The following PLXNA4 variants were observed in gnomAD, a reference collection of about 807,000 sequenced individuals.
PLXNA4 encodes the protein plexin A4.
Under a neutral mutation model 191.8 loss-of-function variants are expected in PLXNA4, and 44 were observed. The observed-to-expected ratio is 0.23, with a 90% CI of 0.18 to 0.29. PLXNA4 has a LOEUF of 0.29. PLXNA4 is among the 10% of genes least tolerant of loss of function. PLXNA4 has a pLI of 1.00. For synonymous variants in PLXNA4, 1,082 were observed against 1,009.5 expected (o/e 1.07, Z -1.36); for missense variants, 1,800 against 2,488.8 (o/e 0.72, Z 5.89).
chr7:132,481,101 G>A lies in PLXNA4; in HGVS notation c.1371+8191C>T, dbSNP rs181906403. Among the ~76,000 whole-genome samples, 15 of 152,208 alleles carry A rather than the reference G, an allele frequency of 9.9e-5. No individual in the cohort carries two copies. In the East Asian group the frequency reaches 2.3e-3, roughly 24 times the overall value. ...TGACAAGGGTGAGAGGATTAGAACTGCTTTAGGAAGCTGAATCTGCCATCT... is the reference window on the plus strand; with the variant it reads ...TGACAAGGGTGAGAGGATTAGAACTACTTTAGGAAGCTGAATCTGCCATCT... On this transcript the variant is annotated intron_variant, in intron 3 of 31. Transcript: ENST00000321063.
intron 1 of PLXNA4, among the ~76,000 whole-genome samples, chr7:132,562,727 G>C (rs1163943572): frequency 8.9e-3 from 268 of 30,062 alleles, no homozygotes; most frequent in East Asian, 0.013. Context: ...CCTTTTCCTC[G>C]TCCTCCTCCT....
Position 132,385,249 on chromosome 7 carries a change from G to A in PLXNA4, c.1372-87027C>T, listed in dbSNP as rs1052758540. 1.9e-6 allele frequency: 3 copies of A among 1,613,984 alleles called. No homozygotes were observed. In the African/African-American group the frequency reaches 4.0e-5, roughly 22 times the overall value. ...AGTCACTGTTGCTCTGTGGGATCGG[G>A]GTCCCGTCTGTAGCTCAAGGGTAGG... On this transcript the variant is annotated intron_variant, in intron 3 of 31. Coordinates refer to ENST00000321063, the MANE Select transcript of PLXNA4 (RefSeq NM_020911.2).
intron 3 of PLXNA4, among the ~76,000 whole-genome samples, chr7:132,443,605 C>A (rs186116103): frequency 6.6e-6 from 1 of 152,192 alleles, no homozygotes; most frequent in Non-Finnish European, 1.5e-5. Flanking sequence ...CGACACTGCG[C>A]GTGGTCGTGA....
chr7:132,347,661 G>A (rs1223472626), intron 3 of PLXNA4, among the ~76,000 whole-genome samples: 1 of 152,158 alleles, frequency 6.6e-6, no homozygotes, highest in East Asian at 1.9e-4. Context: ...AGGGGGACAA[G>A]CAGTTGTGTG....
intron 4 of PLXNA4, 135 bp from the exon 5 acceptor site, chr7:132,241,301 T>A: frequency 3.3e-6 from 2 of 603,734 alleles, no homozygotes; most frequent in Non-Finnish European, 2.9e-6. Flanking sequence ...TGGAGCCCAG[T>A]GTGGGAAGGG....
chr7:132,255,457 C>T (rs192135002), intron 4 of PLXNA4, among the ~76,000 whole-genome samples: 1 of 152,304 alleles, frequency 6.6e-6, no homozygotes, highest in Admixed American at 6.5e-5. Context: ...CCATGGCCAA[C>T]TCATCTTTTG....
intron 28 of PLXNA4, among the ~76,000 whole-genome samples, chr7:132,146,157 A>G (rs979426588): frequency 1.3e-5 from 2 of 151,310 alleles, no homozygotes; most frequent in African/African-American, 4.9e-5. Context: ...CCCCAACTTG[A>G]GATTGTAGAT....
chr7:132,401,919 G>A (rs1334266732), intron 3 of PLXNA4, among the ~76,000 whole-genome samples: 1 of 152,168 alleles, frequency 6.6e-6, no homozygotes, highest in Non-Finnish European at 1.5e-5. Context: ...AAAAGAGGGG[G>A]AGGCTGGAGA....
Position 132,595,243 on chromosome 7 carries a change from C to T in PLXNA4, c.-87+50685G>A, listed in dbSNP as rs565814387. On this transcript the variant is annotated intron_variant, in intron 2 of 4. Coordinates refer to the PLXNA4 transcript ENST00000378539. ...CAATGCCTCACAGAACAATAAACAC[C>T]ACTTTGAGATGTATATGATGCCCTT... Among the ~76,000 whole-genome samples the T allele has an allele frequency of 7.2e-5, 11 of 152,174 alleles. No individual in the cohort carries two copies. In the South Asian group the frequency reaches 2.3e-3, roughly 32 times the overall value.
chr7:132,430,306 C>T (rs1202665034), intron 3 of PLXNA4, among the ~76,000 whole-genome samples: 9 of 152,176 alleles, frequency 5.9e-5, no homozygotes, highest in Admixed American at 1.3e-4. Context: ...CATTACTCCT[C>T]TTCTGCACCC....
intron 1 of PLXNA4, among the ~76,000 whole-genome samples, chr7:132,540,955 G>A (rs1800054658): frequency 6.6e-6 from 1 of 152,170 alleles, no homozygotes; most frequent in Non-Finnish European, 1.5e-5. Flanking sequence ...AGGTAAGGAT[G>A]AGAGGAGAAT....
At chr7:132,358,564 T>C (rs995931598) in intron 3 of PLXNA4, among the ~76,000 whole-genome samples, 1 of 152,178 alleles carries the variant, frequency 6.6e-6, no homozygotes, top group African/African-American at 2.4e-5. Context: ...GTATGGCCGT[T>C]TAGAGGTTCC....
intron 2 of PLXNA4, among the ~76,000 whole-genome samples, chr7:132,632,728 G>C (rs1432797011): frequency 6.6e-6 from 1 of 152,174 alleles, no homozygotes; most frequent in Non-Finnish European, 1.5e-5. Context: ...TAAATGACTT[G>C]TTAACACCGC....
At chr7:132,643,420 C>A (rs540633989) in intron 2 of PLXNA4, among the ~76,000 whole-genome samples, 1 of 151,202 alleles carries the variant, frequency 6.6e-6, no homozygotes, top group Admixed American at 6.6e-5. Context: ...GACCCCCCAG[C>A]CCCCACCCCA....
At chr7:132,265,752 G>A (rs762817243) in intron 4 of PLXNA4, among the ~76,000 whole-genome samples, 10 of 152,272 alleles carry the variant, frequency 6.6e-5, no homozygotes, top group African/African-American at 9.6e-5. Context: ...TGCAGGTACC[G>A]TGCACTATGA....
At chr7:132,621,666 G>A (rs1489729085) in intron 2 of PLXNA4, among the ~76,000 whole-genome samples, 1 of 152,154 alleles carries the variant, frequency 6.6e-6, no homozygotes, top group East Asian at 1.9e-4. Flanking sequence ...AAATTGCTGG[G>A]TCAAAGGACA....
chr7:132,508,118 C>A lies in PLXNA4; in HGVS notation c.576G>T (p.Lys192Asn), dbSNP rs1055027610. 6.2e-7 allele frequency: 1 copy of A among 1,614,190 alleles called. No homozygotes were observed. Among genetic ancestry groups the A allele is most frequent in the African/African-American group, 1.3e-5 (1 of 75,048 alleles). ...KLFIATAVDG[K>N]PEYFPTISSR... ...TGGAGATGGTGGGAAAATACTCGGG[C>A]TTCCCATCCACTGCCGTGGCAATGA... The change falls in exon 2 of 32, where the codon AAG (lysine) becomes AAT (asparagine). Residue 192 changes from lysine (K) to asparagine (N), a missense_variant. This residue lies in a region of PLXNA4 where 1,397 missense variants were observed against 1,880.4 expected (regional missense o/e 0.74). Coordinates refer to ENST00000321063, the MANE Select transcript of PLXNA4 (RefSeq NM_020911.2). The surrounding 1 kb of genome is among the most constrained non-coding windows in gnomAD (Gnocchi z 4.4).
At chr7:132,600,784 T>C (rs1226161281) in intron 2 of PLXNA4, among the ~76,000 whole-genome samples, 1 of 152,174 alleles carries the variant, frequency 6.6e-6, no homozygotes, top group Non-Finnish European at 1.5e-5. Flanking sequence ...TCCTGATTTG[T>C]CTATAGTTCT....
At chr7:132,484,864 G>C in intron 3 of PLXNA4, 3 of 1,614,106 alleles carry the variant, frequency 1.9e-6, no homozygotes, top group Non-Finnish European at 2.5e-6. Context: ...GCAGAGGCTG[G>C]ACTCTCTGAT....
Sources: allele counts gnomAD v4.1 joint callset (sites outside exome capture counted in the v4.1 genomes callset), GRCh38; gene constraint gnomAD v4.1.1; regional missense constraint gnomAD v4.1.1; non-coding constraint Gnocchi (gnomAD v3.1); transcripts MANE v1.5; gene names NCBI Gene and HGNC (gene_info 2026-07-23, HGNC 2026-07-21).